The following CCDC148 variants were observed in gnomAD, a reference collection of about 807,000 sequenced individuals.
CCDC148 encodes the protein coiled-coil domain-containing protein 148.
A neutral mutation model predicts 85.7 loss-of-function variants in CCDC148; 89 were observed. The observed-to-expected ratio is 1.04, with a 90% CI of 0.87 to 1.24. The LOEUF is 1.24. CCDC148 is among the 50% of genes most tolerant of loss of function. The probability of loss-of-function intolerance (pLI) is 0.00; values close to 1 mark genes in which losing one functional copy is unlikely to be tolerated. For missense variants in CCDC148, 692 were observed against 671.7 expected (o/e 1.03, Z -0.33); for synonymous variants, 230 against 213.9 (o/e 1.08, Z -0.66).
intron 2 of CCDC148, among the ~76,000 whole-genome samples, chr2:158,354,260 A>G (rs1434909187): frequency 6.6e-6 from 1 of 152,126 alleles, no homozygotes; most frequent in Admixed American, 6.5e-5. Context: ...AGACACAAAA[A>G]ACCCTTCAAA....
At chr2:158,364,377 A>T (rs1684106812) in intron 1 of CCDC148, among the ~76,000 whole-genome samples, 1 of 152,198 alleles carries the variant, frequency 6.6e-6, no homozygotes, top group Non-Finnish European at 1.5e-5. Flanking sequence ...AGAAGAACAA[A>T]GCTGGAGGCA....
chr2:158,300,200 G>T (rs1270594981), intron 9 of CCDC148, among the ~76,000 whole-genome samples: 1 of 152,178 alleles, frequency 6.6e-6, no homozygotes, highest in Non-Finnish European at 1.5e-5. Context: ...AAATACATTA[G>T]AAAGAAGGTA....
At chr2:158,237,309 T>C (rs1191247006) in intron 10 of CCDC148, among the ~76,000 whole-genome samples, 2 of 152,106 alleles carry the variant, frequency 1.3e-5, no homozygotes, top group Non-Finnish European at 2.9e-5. Context: ...GTCATTGACG[T>C]GTTTTCTGCA....
chr2:158,287,905 C>T (rs1048408582), intron 9 of CCDC148, among the ~76,000 whole-genome samples: 4 of 152,222 alleles, frequency 2.6e-5, no homozygotes, highest in African/African-American at 7.2e-5. Flanking sequence ...GAGGGCCCCA[C>T]CCCTGTAGCA....
At chr2:158,376,657 A>C (rs898812431) in intron 1 of CCDC148, among the ~76,000 whole-genome samples, 15 of 152,082 alleles carry the variant, frequency 9.9e-5, no homozygotes, top group Admixed American at 9.8e-4. Flanking sequence ...AGATGAAAGG[A>C]GTTAAGATAA....
At chr2:158,189,154 C>T (rs1165369978) in intron 11 of CCDC148, among the ~76,000 whole-genome samples, 1 of 151,862 alleles carries the variant, frequency 6.6e-6, no homozygotes, top group Non-Finnish European at 1.5e-5. Context: ...GGAATGTGTA[C>T]TCAGTACACA....
intron 12 of CCDC148, 122 bp downstream of exon 12, chr2:158,178,757 G>T: frequency 1.5e-6 from 1 of 678,366 alleles, no homozygotes; most frequent in Non-Finnish European, 2.6e-6. Flanking sequence ...ATCCCCATTT[G>T]GAAAAGTTAA....
intron 9 of CCDC148, among the ~76,000 whole-genome samples, chr2:158,288,161 T>G (rs918725454): frequency 6.6e-6 from 1 of 152,164 alleles, no homozygotes; most frequent in East Asian, 1.9e-4. Flanking sequence ...GCCCAGCCCA[T>G]GAATCCATGT....
intron 1 of CCDC148, among the ~76,000 whole-genome samples, chr2:158,438,478 G>A (rs1437069985): frequency 1.3e-5 from 2 of 152,110 alleles, no homozygotes; most frequent in African/African-American, 2.4e-5. Flanking sequence ...ATTAATTCAA[G>A]ATGGATTAAA....
chr2:158,339,140 T>G, intron 5 of CCDC148, 55 bp from the exon 6 acceptor site: 1 of 1,220,594 alleles, frequency 8.2e-7, no homozygotes, highest in South Asian at 1.2e-5. Context: ...ATTCCATATT[T>G]ATATTTAAAG....
chr2:158,307,859 T>A (rs1174528817), intron 9 of CCDC148, among the ~76,000 whole-genome samples: 6 of 152,152 alleles, frequency 3.9e-5, no homozygotes, highest in Admixed American at 3.9e-4. Context: ...GTCAGAATAG[T>A]GATCACAGGT....
chr2:158,220,258 T>G (rs1687103728), intron 11 of CCDC148, among the ~76,000 whole-genome samples: 1 of 152,222 alleles, frequency 6.6e-6, no homozygotes, highest in African/African-American at 2.4e-5. Flanking sequence ...TTCCTTCTTA[T>G]TTGAATAATG....
intron 1 of CCDC148, among the ~76,000 whole-genome samples, chr2:158,429,269 A>G (rs189200715): frequency 1.3e-5 from 2 of 152,272 alleles, no homozygotes; most frequent in East Asian, 3.9e-4. Flanking sequence ...CATGTACCCT[A>G]TAACTTAAAG....
intron 1 of CCDC148, among the ~76,000 whole-genome samples, chr2:158,454,010 G>A (rs1371712428): frequency 6.6e-6 from 1 of 152,174 alleles, no homozygotes; most frequent in African/African-American, 2.4e-5. Context: ...CCTCAGGCTA[G>A]GTAACAGTGG....
intron 1 of CCDC148, among the ~76,000 whole-genome samples, chr2:158,390,286 T>G (rs568688670): frequency 6.8e-4 from 103 of 152,120 alleles, no homozygotes; most frequent in African/African-American, 2.3e-3. Flanking sequence ...GACAAAGGGA[T>G]AGAAGGACCA....
At chr2:158,359,406 G>C (rs1683824833) in intron 1 of CCDC148, among the ~76,000 whole-genome samples, 1 of 152,128 alleles carries the variant, frequency 6.6e-6, no homozygotes, top group Non-Finnish European at 1.5e-5. Flanking sequence ...GGCCAAATAG[G>C]AACAGCTCTG....
At chr2:158,357,138 G>A (rs575158567) in intron 2 of CCDC148, among the ~76,000 whole-genome samples, 1 of 150,794 alleles carries the variant, frequency 6.6e-6, no homozygotes, top group Non-Finnish European at 1.5e-5. Context: ...TAGATGACGA[G>A]TTAGTGGGTG....
intron 9 of CCDC148, among the ~76,000 whole-genome samples, chr2:158,304,600 A>C (rs1691595402): frequency 6.6e-6 from 1 of 152,172 alleles, no homozygotes; most frequent in Non-Finnish European, 1.5e-5. Flanking sequence ...AATAGGGCAC[A>C]AAAAAGATTG....
chr2:158,276,183 C>T (rs1689933132), intron 9 of CCDC148, among the ~76,000 whole-genome samples: 1 of 152,200 alleles, frequency 6.6e-6, no homozygotes, highest in East Asian at 1.9e-4. Flanking sequence ...GTAATCCCAG[C>T]ACTTTGGGAG....
Sources: allele counts gnomAD v4.1 joint callset (sites outside exome capture counted in the v4.1 genomes callset), GRCh38; gene constraint gnomAD v4.1.1; transcripts MANE v1.5; gene names NCBI Gene and HGNC (gene_info 2026-07-23, HGNC 2026-07-21).